The following OXNAD1 variants were observed in gnomAD, a reference collection of about 807,000 sequenced individuals.
OXNAD1 encodes oxidoreductase NAD-binding domain-containing protein 1.
Under a neutral mutation model 32.9 loss-of-function variants are expected in OXNAD1, and 34 were observed. The observed-to-expected ratio is 1.03, with a 90% CI of 0.79 to 1.38. The LOEUF (loss-of-function observed/expected upper bound fraction) is 1.38. OXNAD1 is among the 40% of genes most tolerant of loss of function. The pLI, the probability that OXNAD1 is intolerant of heterozygous loss-of-function variation, is 0.00. For synonymous variants in OXNAD1, 134 were observed against 135.2 expected, an observed-to-expected ratio of 0.99 and a Z score of 0.06; for missense variants, 407 against 379.4, an observed-to-expected ratio of 1.07 and a Z score of -0.60.
chr3:16,334,321 C>A lies in OXNAD1; in HGVS notation c.*31-2791C>A, dbSNP rs1416709511. On this transcript the variant is annotated intron_variant, in intron 9 of 9. Transcript: ENST00000435829. The surrounding 1 kb of genome is among the most constrained non-coding windows in gnomAD (Gnocchi z 4.3). The stretch of plus-strand genomic sequence containing the variant: ...CTTGTACATTGCTAGTGGAAGGGCT[C>A]ATTGATTCAACCCTCCTGGAGAACA... Among the ~76,000 whole-genome samples the A allele has an allele frequency of 6.6e-6, 1 of 152,196 alleles. No homozygotes were observed. Among genetic ancestry groups the A allele is most frequent in the East Asian group, 1.9e-4 (1 of 5,202 alleles).
chr3:16,318,870 CTG>C (rs796395739), intron 9 of OXNAD1, among the ~76,000 whole-genome samples: 97 of 152,336 alleles, frequency 6.4e-4, no homozygotes, highest in African/African-American at 2.1e-3. Flanking sequence ...TCCACCCAAA[CTG>C]TGAGGATCCC....
chr3:16,325,396 C>G (rs1308329831), intron 9 of OXNAD1, among the ~76,000 whole-genome samples: 1 of 152,180 alleles, frequency 6.6e-6, no homozygotes, highest in East Asian at 1.9e-4. Context: ...GTGTGAAGGT[C>G]TGAGACAGAG....
chr3:16,266,182 T>C (rs1328251231), intron 1 of OXNAD1, among the ~76,000 whole-genome samples: 1 of 152,180 alleles, frequency 6.6e-6, no homozygotes, highest in Non-Finnish European at 1.5e-5. Flanking sequence ...TAAGAAAGGA[T>C]TGGAGTAGAG....
chr3:16,340,210 G>T (rs980993728), downstream of OXNAD1, among the ~76,000 whole-genome samples: 1 of 152,208 alleles, frequency 6.6e-6, no homozygotes, highest in Non-Finnish European at 1.5e-5. Flanking sequence ...TTGACTCTGA[G>T]CTGGTTTTGT....
chr3:16,298,749 A>T lies in OXNAD1; in HGVS notation c.433-2877A>T, dbSNP rs1232002223. 2.0e-5 allele frequency among the ~76,000 whole-genome samples: 3 copies of T among 152,260 alleles called. No homozygotes were observed. Among genetic ancestry groups the T allele is most frequent in the Non-Finnish European group, 4.4e-5 (3 of 68,016 alleles). ...CTCTTGGCAGGGTAAAGGGTTCTAG[A>T]CAGCTATTGTGTGCTCAGCTCCAGT... On this transcript the variant is annotated intron_variant, in intron 6 of 8. Transcript: ENST00000285083. This position sits in a 1 kb window ranked among gnomAD's most constrained non-coding sequence, Gnocchi z 5.1.
intron 2 of OXNAD1, among the ~76,000 whole-genome samples, 185 bp downstream of exon 2, chr3:16,269,460 A>C (rs1424503168): frequency 2.0e-5 from 3 of 152,266 alleles, no homozygotes; most frequent in Non-Finnish European, 4.4e-5. Flanking sequence ...ATACTATGAC[A>C]AGAAGAAATA....
chr3:16,338,700 T>C (rs754174765), downstream of OXNAD1, among the ~76,000 whole-genome samples: 8 of 152,268 alleles, frequency 5.3e-5, no homozygotes, highest in Non-Finnish European at 1.0e-4. This position sits in a 1 kb window ranked among gnomAD's most constrained non-coding sequence, Gnocchi z 5.3. Context: ...CTTTAGACTA[T>C]CAGAGATGAA....
chr3:16,314,209 G>A lies in OXNAD1; in HGVS notation c.*30+10617G>A, dbSNP rs188572847. On this transcript the variant is annotated intron_variant, in intron 9 of 9. Coordinates refer to the OXNAD1 transcript ENST00000435829. This position sits in a 1 kb window ranked among gnomAD's most constrained non-coding sequence, Gnocchi z 4.4. ...TATGTCTTTGTGGCTTTTACTGTCC[G>A]TGGGACCTGGTCAGTGCAAATGATG... 8.9e-4 allele frequency among the ~76,000 whole-genome samples: 136 copies of A among 152,196 alleles called. 1 individual carries two copies. The highest frequency in any genetic ancestry group is 4.8e-3 in the Admixed American group (73 of 15,282).
Position 16,301,692 on chromosome 3 carries a change from G to A in OXNAD1, c.499G>A (p.Asp167Asn), listed in dbSNP as rs778897160. The A allele has an allele frequency of 2.7e-5, 44 of 1,613,856 alleles. No individual in the cohort carries two copies. Among genetic ancestry groups the A allele is most frequent in the Admixed American group, 5.0e-5 (3 of 59,978 alleles). The change falls in exon 7 of 9, where the codon GAT becomes AAT. Residue 167 changes from aspartate to asparagine, a missense_variant. Transcript: ENST00000285083. The surrounding 1 kb of genome is among the most constrained non-coding windows in gnomAD (Gnocchi z 4.1). ...GEFFFDPQPA[D>N]ASRNLVLIAG... is the part of the protein sequence containing the mutation. The stretch of plus-strand genomic sequence containing the variant: ...GTTCTTCTTTGACCCTCAGCCTGCG[G>A]ATGCCTCTAGAAACCTCGTGTTGAT...
In OXNAD1 at chr3:16,329,389, A is replaced by T. The variant is rs560404985; in HGVS notation, c.*31-7723A>T. The stretch of plus-strand genomic sequence containing the variant: ...AACTTAATAAAGGAAGGCGGAAGGG[A>T]GGAGGGAAGGGAGGAAAGGAGAGAG... On this transcript the variant is annotated intron_variant, in intron 9 of 9. Transcript: ENST00000435829. The surrounding 1 kb of genome is among the most constrained non-coding windows in gnomAD (Gnocchi z 4.5). Among the ~76,000 whole-genome samples, 34 of 152,202 alleles carry T rather than the reference A, an allele frequency of 2.2e-4. 1 individual carries two copies. The South Asian group carries it at 6.4e-3, about 29-fold the overall frequency.
chr3:16,267,881 CTTAAATG>C (rs2064643666), intron 1 of OXNAD1, among the ~76,000 whole-genome samples: 1 of 152,188 alleles, frequency 6.6e-6, no homozygotes, highest in South Asian at 2.1e-4. Context: ...TATAATTAAT[CTTAAATG>C]TTAAATTTAA....
intron 9 of OXNAD1, among the ~76,000 whole-genome samples, chr3:16,319,566 G>A (rs1183120000): frequency 3.3e-5 from 5 of 152,180 alleles, no homozygotes; most frequent in Non-Finnish European, 7.3e-5. Flanking sequence ...CCACGTGCTA[G>A]ACCTTCCATC....
chr3:16,275,085 AAC>A (rs1476512955), intron 4 of OXNAD1: 2 of 159,306 alleles, frequency 1.3e-5, no homozygotes, highest in African/African-American at 4.8e-5. Flanking sequence ...CCTGTTGTAA[AAC>A]AGTTTTTTAT....
rs1167054979 is a variant in OXNAD1 at position 16,303,523 on chromosome 3, T to C, written c.900T>C (p.His300=). The change falls in exon 9 of 9, where the codon CAT becomes CAC. Residue 300 remains histidine, a synonymous_variant. Transcript: ENST00000285083. This position sits in a 1 kb window ranked among gnomAD's most constrained non-coding sequence, Gnocchi z 4.8. The part of the protein sequence containing the change: ...DFFSKQLENN[H]VPKEHICFEK... Reference sequence around the variant, plus strand: ...TCTCCAAGCAACTGGAAAACAACCATGTACCCAAAGAACACATTTGCTTTG... The same window carrying C: ...TCTCCAAGCAACTGGAAAACAACCACGTACCCAAAGAACACATTTGCTTTG... The C allele has an allele frequency of 6.8e-6, 11 of 1,613,834 alleles. No individual in the cohort carries two copies. In the Admixed American group the frequency reaches 1.3e-4, roughly 20 times the overall value.
In OXNAD1 at chr3:16,335,323, T is replaced by C. The variant is rs2070740133; in HGVS notation, c.*31-1789T>C. On this transcript the variant is annotated intron_variant, in intron 9 of 9. Coordinates refer to the OXNAD1 transcript ENST00000435829. This position sits in a 1 kb window ranked among gnomAD's most constrained non-coding sequence, Gnocchi z 4.7. ...GGGGTGAGCAGAAGATGAACGAAAA[T>C]GGGCTGAGTGGGAAGGAATCAGCCC... Among the ~76,000 whole-genome samples the C allele has an allele frequency of 6.6e-6, 1 of 152,004 alleles. No individual in the cohort carries two copies. Among genetic ancestry groups the C allele is most frequent in the Non-Finnish European group, 1.5e-5 (1 of 67,994 alleles).
intron 9 of OXNAD1, among the ~76,000 whole-genome samples, chr3:16,311,911 G>A (rs764142855): frequency 6.6e-6 from 1 of 152,310 alleles, no homozygotes; most frequent in East Asian, 1.9e-4. Context: ...ACCTAGCACA[G>A]TTGTGTAGGA....
At chr3:16,333,483 A>T (rs1446978747) in intron 9 of OXNAD1, among the ~76,000 whole-genome samples, 5 of 152,190 alleles carry the variant, frequency 3.3e-5, no homozygotes, top group African/African-American at 1.2e-4. Flanking sequence ...CTATCTAATT[A>T]TGTCATTCCT....
In OXNAD1 at chr3:16,324,616, C is replaced by CCCT. The variant is rs565711748; in HGVS notation, c.*31-12494_*31-12493insTCC. Among the ~76,000 whole-genome samples, 499 of 144,994 alleles carry CCCT rather than the reference C, an allele frequency of 3.4e-3. 63 individuals carry two copies. The highest frequency in any genetic ancestry group is 5.8e-3 in the Admixed American group (84 of 14,520). ...AATAAATAACAGAATGTCCCTGACC[C>CCCT]CCCCCCTTTTAAGGTTGCATAGTAT... On this transcript the variant is annotated intron_variant, in intron 9 of 9. Coordinates refer to the OXNAD1 transcript ENST00000435829.
intron 4 of OXNAD1, chr3:16,275,089 G>GT (rs1188837517): frequency 1.2e-5 from 2 of 160,546 alleles, no homozygotes; most frequent in Non-Finnish European, 2.8e-5. Context: ...TTGTAAAACA[G>GT]TTTTTTATCA....
Sources: gnomAD v4.1 joint callset for allele counts (sites outside exome capture counted in the v4.1 genomes callset) on GRCh38, gnomAD v4.1.1 for gene constraint, Gnocchi (gnomAD v3.1) non-coding constraint, MANE v1.5 for transcripts, NCBI Gene and HGNC (gene_info 2026-07-23, HGNC 2026-07-21) for gene names.